Variants in MYOCD observed in about 807,000 individuals in gnomAD.
MYOCD encodes myocardin.
MYOCD carries 32 observed loss-of-function variants against 96.1 expected under a neutral mutation model. The ratio of observed to expected loss-of-function variants is 0.33; its 90% CI spans 0.25 to 0.45. MYOCD has a LOEUF of 0.45. Ranked by LOEUF, MYOCD falls within the 20% of genes least tolerant of loss-of-function variation. The pLI, the probability that MYOCD is intolerant of heterozygous loss-of-function variation, is 1.00. For synonymous variants in MYOCD, 469 were observed against 469.0 expected (o/e 1.00, Z 0.00); for missense variants, 1,133 against 1,200.6 (o/e 0.94, Z 0.83).
At chr17:12,721,198 A>T (rs1466788336) in intron 4 of MYOCD, among the ~76,000 whole-genome samples, 1 of 152,068 alleles carries the variant, frequency 6.6e-6, no homozygotes, top group East Asian at 1.9e-4. Context: ...ACGGTCTTGA[A>T]TTAAAATAAC....
intron 4 of MYOCD, among the ~76,000 whole-genome samples, chr17:12,719,002 C>T (rs976061445): frequency 6.6e-6 from 1 of 151,130 alleles, no homozygotes; most frequent in Non-Finnish European, 1.5e-5. Context: ...CGTGAAACCC[C>T]ATCTCTACTA....
At chr17:12,714,879 A>G (rs2031590671) in intron 2 of MYOCD, among the ~76,000 whole-genome samples, 1 of 152,100 alleles carries the variant, frequency 6.6e-6, no homozygotes, top group East Asian at 1.9e-4. Flanking sequence ...TCCTAGCCCT[A>G]ACTGATCCTG....
chr17:12,666,172 G>A lies in MYOCD; in HGVS notation c.-17G>A, dbSNP rs780041523. On this transcript the variant is annotated 5_prime_UTR_variant, in exon 1 of 14. Coordinates refer to ENST00000425538, the MANE Select transcript of MYOCD (RefSeq NM_001146312.3). ...GGGGCGCCTGGCCAAGGGACCAGCG[G>A]CTTGCTGAGACTCAACATGACACTC... is the stretch of plus-strand genomic sequence containing the variant. 7 of 1,611,576 alleles carry A rather than the reference G, an allele frequency of 4.3e-6. No individual in the cohort carries two copies. Among genetic ancestry groups the A allele is most frequent in the Non-Finnish European group, 5.9e-6 (7 of 1,178,026 alleles).
chr17:12,731,530 C>T (rs1244995877), intron 5 of MYOCD, among the ~76,000 whole-genome samples: 3 of 152,132 alleles, frequency 2.0e-5, no homozygotes, highest in African/African-American at 7.2e-5. Flanking sequence ...ACAATAGCAA[C>T]AATAACAGCA....
At chr17:12,723,392 G>A (rs1421927108) in intron 5 of MYOCD, among the ~76,000 whole-genome samples, 1 of 152,102 alleles carries the variant, frequency 6.6e-6, no homozygotes, top group Non-Finnish European at 1.5e-5. Flanking sequence ...CCCCAGACTA[G>A]AAAACCCGGA....
At chr17:12,692,615 C>A (rs751712496) in intron 1 of MYOCD, among the ~76,000 whole-genome samples, 5 of 152,136 alleles carry the variant, frequency 3.3e-5, no homozygotes, top group Non-Finnish European at 5.9e-5. Flanking sequence ...GAAAGGCCTG[C>A]CCACCAGCAG....
At position 12,756,428 on chromosome 17, in the gene MYOCD, C is replaced by T. The variant is rs772669127; in HGVS notation, c.2073C>T (p.His691=). The stretch of plus-strand genomic sequence containing the variant: ...TTCCTTTGCAGAACTCAGGAGCACA[C>T]GATGGCCATCCTCCAAGCTTCTCTC... ...QVCTAQNSGA[H]DGHPPSFSPH... Residue 691 remains histidine (H), a synonymous_variant, in exon 11 of 14, where the codon CAC becomes CAT. Transcript: ENST00000425538. The T allele has an allele frequency of 2.1e-5, 32 of 1,552,052 alleles. No homozygotes were observed. Among genetic ancestry groups the T allele is most frequent in the Non-Finnish European group, 2.6e-5 (30 of 1,147,124 alleles).
chr17:12,713,277 G>A (rs752956834), intron 2 of MYOCD, among the ~76,000 whole-genome samples: 5 of 152,130 alleles, frequency 3.3e-5, no homozygotes, highest in Admixed American at 6.5e-5. Context: ...ACCAAGAAGT[G>A]ATGAATTGTA....
rs1249134525 is a variant in MYOCD, at chr17:12,763,671, A to G, written c.*27A>G. The G allele has an allele frequency of 1.3e-6, 2 of 1,566,992 alleles. No individual in the cohort carries two copies. On this transcript the variant is annotated 3_prime_UTR_variant, in exon 14 of 14. Coordinates refer to ENST00000425538, the MANE Select transcript of MYOCD (RefSeq NM_001146312.3). ...ATGCCCAATGCACCAGTGCTATGGA[A>G]GACCAATGGAGTTCCATGGGGGAAA...
chr17:12,754,135 C>T (rs1389661954), intron 10 of MYOCD, among the ~76,000 whole-genome samples: 3 of 151,476 alleles, frequency 2.0e-5, no homozygotes, highest in African/African-American at 7.3e-5. Flanking sequence ...GATAGAGTCT[C>T]GCTCTGTCAC....
intron 2 of MYOCD, among the ~76,000 whole-genome samples, chr17:12,714,507 A>AG (rs551803732): frequency 2.0e-3 from 307 of 151,444 alleles, no homozygotes; most frequent in Non-Finnish European, 3.3e-3. Context: ...CATACAATTC[A>AG]GGGGAAAAAA....
At chr17:12,721,570 G>C (rs535403851) in intron 4 of MYOCD, among the ~76,000 whole-genome samples, 1 of 152,290 alleles carries the variant, frequency 6.6e-6, no homozygotes, top group South Asian at 2.1e-4. Context: ...AAGACATAGA[G>C]GACAGAAGGA....
chr17:12,748,270 A>T (rs978972680), intron 9 of MYOCD, among the ~76,000 whole-genome samples: 2 of 152,118 alleles, frequency 1.3e-5, no homozygotes, highest in Non-Finnish European at 1.5e-5. Context: ...AAGAAATAAT[A>T]ATTCATATTT....
At chr17:12,682,603 C>T (rs140434840) in intron 1 of MYOCD, among the ~76,000 whole-genome samples, 39 of 152,326 alleles carry the variant, frequency 2.6e-4, no homozygotes, top group Non-Finnish European at 4.4e-4. Flanking sequence ...GGCTCATGCT[C>T]TGTTGTATCC....
intron 1 of MYOCD, among the ~76,000 whole-genome samples, chr17:12,703,134 T>G (rs1323370427): frequency 1.3e-5 from 2 of 151,934 alleles, no homozygotes; most frequent in Non-Finnish European, 2.9e-5. Context: ...GTTGGTAGAT[T>G]GGGGGGCGGG....
At chr17:12,712,736 T>C (rs8068827) in intron 2 of MYOCD, among the ~76,000 whole-genome samples, 5,030 of 152,280 alleles carry the variant, frequency 0.033, 255 homozygotes, top group African/African-American at 0.11. Flanking sequence ...GAGAATGAGT[T>C]AGATGTGTGG....
intron 9 of MYOCD, among the ~76,000 whole-genome samples, chr17:12,747,617 AAGAG>A (rs1348638626): frequency 6.6e-6 from 1 of 152,078 alleles, no homozygotes; most frequent in Admixed American, 6.5e-5. Context: ...GTGAGAAGGA[AAGAG>A]AGAAGAGGAA....
chr17:12,744,877 G>T (rs1014188934), intron 8 of MYOCD, among the ~76,000 whole-genome samples: 11 of 152,196 alleles, frequency 7.2e-5, no homozygotes, highest in Non-Finnish European at 1.2e-4. Flanking sequence ...ATAACTTATT[G>T]TACTGGACAC....
chr17:12,725,436 T>C (rs1437132467), intron 5 of MYOCD, among the ~76,000 whole-genome samples: 1 of 148,594 alleles, frequency 6.7e-6, no homozygotes, highest in Non-Finnish European at 1.5e-5. Flanking sequence ...TATTATAAAG[T>C]ATACTATACT....
Sources: allele counts gnomAD v4.1 joint callset (sites outside exome capture counted in the v4.1 genomes callset), GRCh38; gene constraint gnomAD v4.1.1; transcripts MANE v1.5; gene names NCBI Gene and HGNC (gene_info 2026-07-23, HGNC 2026-07-21).